The following ATG4D variants were observed in gnomAD, a reference collection of about 807,000 sequenced individuals.
The protein encoded by ATG4D is autophagy related 4D cysteine peptidase.
Under a neutral mutation model 55.2 loss-of-function variants are expected in ATG4D, and 51 were observed. That is an observed-to-expected ratio of 0.92 (90% confidence interval 0.74 to 1.17). The LOEUF is 1.17. Ranked by LOEUF, ATG4D falls within the 50% of genes most tolerant of loss-of-function variation. ATG4D has a pLI of 0.00. For missense variants in ATG4D, 635 were observed against 649.6 expected (o/e 0.98, Z 0.25); for synonymous variants, 268 against 266.2 (o/e 1.01, Z -0.07).
In ATG4D at chr19:10,545,042, C is replaced by G; in HGVS notation, c.405C>G (p.Cys135Trp). The G allele has an allele frequency of 6.2e-7, 1 of 1,613,096 alleles. No individual in the cohort carries two copies. Among genetic ancestry groups the G allele is most frequent in the South Asian group, 1.1e-5 (1 of 91,058 alleles). Residue 135 changes from cysteine to tryptophan, a missense_variant, in exon 3 of 10, where the codon TGC becomes TGG. Physicochemically the swap from Cys to Trp is radical, Grantham distance 215 (BLOSUM62 -2). Coordinates refer to ENST00000309469, the MANE Select transcript of ATG4D (RefSeq NM_032885.6). Reference protein sequence around the residue: ...RRDFPPLPGGCLTSDCGWGCM... With the variant: ...RRDFPPLPGGWLTSDCGWGCM... ...ACTTCCCGCCCCTTCCTGGGGGCTG[C>G]CTGACCTCGGACTGTGGCTGGGGGT...
chr19:10,551,756 A>T, intron 6 of ATG4D, 141 bp from the exon 7 acceptor site: 1 of 682,850 alleles, frequency 1.5e-6, no homozygotes. Flanking sequence ...CTCTCACACT[A>T]GGATGTCAGC....
Position 10,548,994 on chromosome 19 carries a change from G to A in ATG4D, c.926G>A (p.Gly309Asp). ...GTCATCCTGGTGCCCGTGCGACTGG[G>A]TGGCGAGACTCTCAACCCCGTGTAT... ...SVVILVPVRLGGETLNPVYVP... is the reference protein window; with the variant it reads ...SVVILVPVRLDGETLNPVYVP... Residue 309 changes from glycine (G) to aspartate (D), a missense_variant, in exon 6 of 10, where the codon GGT (glycine) becomes GAT (aspartate). Transcript: ENST00000309469. The A allele has an allele frequency of 1.2e-6, 2 of 1,614,128 alleles. No individual in the cohort carries two copies. The highest frequency in any genetic ancestry group is 1.7e-6 in the Non-Finnish European group (2 of 1,180,036).
Position 10,546,852 on chromosome 19 carries a change from C to T in ATG4D, c.507C>T (p.Ala169=), listed in dbSNP as rs747817329. The change falls in exon 4 of 10, where the codon GCC becomes GCT. Residue 169 remains alanine, a synonymous_variant. Coordinates refer to ENST00000309469, the MANE Select transcript of ATG4D (RefSeq NM_032885.6). ...LHFLPRDWTW[A]EGMGLGPPEL... ...CCATTCCACCAGACTGGACATGGGC[C>T]GAGGGCATGGGCCTGGGCCCCCCTG... is the stretch of plus-strand genomic sequence containing the variant. The T allele has an allele frequency of 1.3e-5, 21 of 1,590,470 alleles. No homozygotes were observed. Among genetic ancestry groups the T allele is most frequent in the East Asian group, 1.1e-4 (5 of 44,494 alleles).
At chr19:10,547,616 G>C (rs1916079365) in intron 5 of ATG4D, among the ~76,000 whole-genome samples, 1 of 112,904 alleles carries the variant, frequency 8.9e-6, no homozygotes, top group African/African-American at 3.2e-5. Flanking sequence ...CGACAGAGTA[G>C]GATCCTGTCG....
chr19:10,549,052 C>G lies in ATG4D; in HGVS notation c.966+18C>G, dbSNP rs767199368. On this transcript the variant is annotated intron_variant, in intron 6 of 9. Coordinates refer to ENST00000309469, the MANE Select transcript of ATG4D (RefSeq NM_032885.6). ...GCGTGAAGGTAGGTTCAGCTGAATT[C>G]TAGGACACCTCCACCTGGGAGCCCT... The G allele has an allele frequency of 2.5e-6, 4 of 1,613,518 alleles. No individual in the cohort carries two copies. In the African/African-American group the frequency reaches 4.0e-5, roughly 16 times the overall value.
intron 5 of ATG4D, among the ~76,000 whole-genome samples, chr19:10,547,976 C>T (rs568403735): frequency 4.5e-4 from 60 of 132,432 alleles, no homozygotes; most frequent in Non-Finnish European, 6.4e-4. Flanking sequence ...GGATTACAAG[C>T]TTGAGCCACT....
chr19:10,547,594 C>T (rs574828271), intron 5 of ATG4D, among the ~76,000 whole-genome samples: 267 of 137,952 alleles, frequency 1.9e-3, no homozygotes, highest in African/African-American at 6.8e-3. Context: ...TGCCATTGCA[C>T]TCCAGCCTGG....
intron 3 of ATG4D, among the ~76,000 whole-genome samples, chr19:10,546,522 A>ATT (rs991719441): frequency 1.1e-4 from 16 of 142,952 alleles, no homozygotes; most frequent in Non-Finnish European, 2.0e-4. Flanking sequence ...CTTTTTGTAT[A>ATT]TTTTTTTTTT....
In ATG4D at chr19:10,543,936, T is replaced by TAGC. The variant is rs961163098; in HGVS notation, c.-151_-149dup. The TAGC allele has an allele frequency of 3.0e-5, 13 of 435,322 alleles. No homozygotes were observed. The highest frequency in any genetic ancestry group is 6.2e-4 in the Middle Eastern group (1 of 1,610). 27.0% of individuals were successfully genotyped at this position (435,322 alleles called of 1,614,324 possible). A position where few individuals can be genotyped will look rare whatever the true frequency, so the allele number is the denominator to read the frequency against. Reference sequence around the variant, plus strand: ...CCCGCTAAGATGGCGATGGCTGCGGTAGCAGCGGCGGCGGCTGTTGCCTGG... The same window carrying TAGC: ...CCCGCTAAGATGGCGATGGCTGCGGTAGCAGCAGCGGCGGCGGCTGTTGCCTGG... On this transcript the variant is annotated 5_prime_UTR_variant, in exon 1 of 10. Coordinates refer to ENST00000309469, the MANE Select transcript of ATG4D (RefSeq NM_032885.6).
intron 3 of ATG4D, among the ~76,000 whole-genome samples, chr19:10,546,348 TA>T (rs1388540120): frequency 1.3e-5 from 2 of 150,724 alleles, no homozygotes; most frequent in African/African-American, 4.9e-5. Flanking sequence ...TTATTATTAT[TA>T]TTATTTTTTT....
At position 10,544,051 on chromosome 19, in the gene ATG4D, C is replaced by A. The variant is rs976124127; in HGVS notation, c.-40C>A. 2 of 1,213,364 alleles carry A rather than the reference C, an allele frequency of 1.6e-6. No individual in the cohort carries two copies. The highest frequency in any genetic ancestry group is 4.3e-5 in the South Asian group (1 of 23,458). 75.2% of individuals were successfully genotyped at this position (1,213,364 alleles called of 1,614,324 possible). ...CGCCCTTGGGGGGCAGCGGCCGCAG[C>A]CCCCCACCTGGGCCCTCGGTCCGCC... On this transcript the variant is annotated 5_prime_UTR_variant, in exon 1 of 10. Coordinates refer to ENST00000309469, the MANE Select transcript of ATG4D (RefSeq NM_032885.6).
In ATG4D at chr19:10,552,892, G is replaced by A; in HGVS notation, c.1250G>A (p.Ser417Asn). The change falls in exon 10 of 10, where the codon AGC (serine) becomes AAC (asparagine). Residue 417 changes from serine to asparagine, a missense_variant. Coordinates refer to ENST00000309469, the MANE Select transcript of ATG4D (RefSeq NM_032885.6). Reference protein sequence around the residue: ...TLCSELTRVLSSSSATERYPM... With the variant: ...TLCSELTRVLNSSSATERYPM... ...TCTCCCTCTTCCCGCCAGGTCCTCAGCTCCTCCTCAGCCACAGAGCGGTAC... is the reference window on the plus strand; with the variant it reads ...TCTCCCTCTTCCCGCCAGGTCCTCAACTCCTCCTCAGCCACAGAGCGGTAC... The A allele has an allele frequency of 6.2e-7, 1 of 1,608,000 alleles. No individual in the cohort carries two copies. Among genetic ancestry groups the A allele is most frequent in the Non-Finnish European group, 8.5e-7 (1 of 1,176,764 alleles).
chr19:10,552,134 C>T lies in ATG4D; in HGVS notation c.1122+13C>T. ...CTTCCCCCTGGAGGTGAGTGGGAGC[C>T]CCAGTGTGTGGTTGGGGCCATGGCG... On this transcript the variant is annotated intron_variant, in intron 8 of 9. Transcript: ENST00000309469. The T allele has an allele frequency of 6.2e-7, 1 of 1,611,856 alleles. No individual in the cohort carries two copies. Among genetic ancestry groups the T allele is most frequent in the Non-Finnish European group, 8.5e-7 (1 of 1,179,984 alleles).
rs530680108 is a variant in ATG4D, at chr19:10,547,184, C to T, written c.771-5C>T. The T allele has an allele frequency of 2.5e-5, 40 of 1,613,838 alleles. 1 individual carries two copies. In the South Asian group the frequency reaches 4.4e-4, roughly 18 times the overall value. On this transcript the variant is annotated splice_polypyrimidine_tract_variant and splice_region_variant and intron_variant, in intron 4 of 9. Coordinates refer to ENST00000309469, the MANE Select transcript of ATG4D (RefSeq NM_032885.6). ...AGGCACTCAGGCCTTCCCTCCTGCC[C>T]CCAGGAAAGCCGTGGAGAGCTGCTC... is the stretch of plus-strand genomic sequence containing the variant.
chr19:10,545,259 G>A (rs181872318), intron 3 of ATG4D, 129 bp downstream of exon 3: 30 of 1,265,856 alleles, frequency 2.4e-5, no homozygotes, highest in Middle Eastern at 2.5e-4. Flanking sequence ...GTTTTGGAGA[G>A]ATGAGAGTTG....
At position 10,552,065 on chromosome 19, in the gene ATG4D, G is replaced by A. The variant is rs1289649383; in HGVS notation, c.1066G>A (p.Asp356Asn). The change falls in exon 8 of 10, where the codon GAC (aspartate) becomes AAC (asparagine). Residue 356 changes from aspartate to asparagine, a missense_variant. Coordinates refer to ENST00000309469, the MANE Select transcript of ATG4D (RefSeq NM_032885.6). ...GYQDDFLLYL[D>N]PHYCQPTVDV... ...TGCAGATGACTTCCTGCTGTACCTG[G>A]ACCCTCACTACTGCCAGCCCACTGT... is the stretch of plus-strand genomic sequence containing the variant. 6.2e-7 allele frequency: 1 copy of A among 1,611,550 alleles called. No homozygotes were observed. The highest frequency in any genetic ancestry group is 1.3e-5 in the African/African-American group (1 of 74,842).
chr19:10,553,227 C>T lies in ATG4D; in HGVS notation c.*160C>T. The T allele has an allele frequency of 1.1e-6, 1 of 919,970 alleles. No homozygotes were observed. The highest frequency in any genetic ancestry group is 1.9e-5 in the South Asian group (1 of 53,680). The allele number at this position is 919,970 out of a possible 1,614,324, so 57.0% of individuals were successfully genotyped here. ...TGGGGCCATTCAGCCAGGGACAGAG[C>T]CCACAGAGCCCATACACCTGTCTCC... On this transcript the variant is annotated 3_prime_UTR_variant, in exon 10 of 10. Transcript: ENST00000309469.
At position 10,544,099 on chromosome 19, in the gene ATG4D, A is replaced by C; in HGVS notation, c.9A>C (p.Ser3=). 1 of 1,239,864 alleles carries C rather than the reference A, an allele frequency of 8.1e-7. No individual in the cohort carries two copies. Among genetic ancestry groups the C allele is most frequent in the Non-Finnish European group, 1.0e-6 (1 of 985,180 alleles). 76.8% of individuals were successfully genotyped at this position (1,239,864 alleles called of 1,614,324 possible). MN[S]VSPAAAQYRS... The stretch of plus-strand genomic sequence containing the variant: ...GCCCTCCCGGCGCGTCCATGAACTC[A>C]GTGTCGCCGGCCGCCGCGCAGTACC... The change falls in exon 1 of 10, where the codon TCA becomes TCC. Residue 3 remains serine (S), a synonymous_variant. Coordinates refer to ENST00000309469, the MANE Select transcript of ATG4D (RefSeq NM_032885.6).
At chr19:10,547,752 A>G (rs935609937) in intron 5 of ATG4D, among the ~76,000 whole-genome samples, 1 of 150,286 alleles carries the variant, frequency 6.7e-6, no homozygotes, top group African/African-American at 2.4e-5. Flanking sequence ...GCTTCAGTGC[A>G]GAGGCACGAT....
Sources: gnomAD v4.1 joint callset for allele counts (sites outside exome capture counted in the v4.1 genomes callset) on GRCh38, gnomAD v4.1.1 for gene constraint, MANE v1.5 for transcripts, NCBI Gene and HGNC (gene_info 2026-07-23, HGNC 2026-07-21) for gene names.